The following PRKN variants were observed in gnomAD, a reference collection of about 807,000 sequenced individuals.
PRKN encodes parkin RBR E3 ubiquitin protein ligase.
Under a neutral mutation model 59.5 loss-of-function variants are expected in PRKN, and 56 were observed. The observed-to-expected ratio is 0.94, with a 90% CI of 0.76 to 1.18. The LOEUF (loss-of-function observed/expected upper bound fraction) is 1.18, where lower values mean the gene tolerates loss of function less well. Ranked by LOEUF, PRKN falls within the 50% of genes most tolerant of loss-of-function variation. PRKN has a pLI of 0.00. For missense variants in PRKN, 657 were observed against 596.4 expected (o/e 1.10, Z -1.06); for synonymous variants, 250 against 222.1 (o/e 1.13, Z -1.12).
Position 162,418,790 on chromosome 6 carries a change from TG to T in PRKN, c.171+24519del, listed in dbSNP as rs548371708. On this transcript the variant is annotated intron_variant, in intron 2 of 11. Coordinates refer to ENST00000366898, the MANE Select transcript of PRKN (RefSeq NM_004562.3). Reference sequence around the variant, plus strand: ...CAAGCACACCCAGGGCACTCCTGCCTGCACCAGGGGAGCTGCAGGGAGGGCT... The same window carrying T: ...CAAGCACACCCAGGGCACTCCTGCCTCACCAGGGGAGCTGCAGGGAGGGCT... Among the ~76,000 whole-genome samples, 329 of 151,958 alleles carry T rather than the reference TG, an allele frequency of 2.2e-3. 1 individual carries two copies. Among genetic ancestry groups the T allele is most frequent in the African/African-American group, 7.7e-3 (319 of 41,462 alleles).
In PRKN at chr6:161,566,626, C is replaced by T. The variant is rs1780652908; in HGVS notation, c.933+2729G>A. ...TTCGCCATGTTGGTCAGGCTGGTCT[C>T]AGACTCCTGACCTCAGGTGATCCAT... On this transcript the variant is annotated intron_variant, in intron 8 of 11. Coordinates refer to ENST00000366898, the MANE Select transcript of PRKN (RefSeq NM_004562.3). The surrounding 1 kb of genome is among the most constrained non-coding windows in gnomAD (Gnocchi z 4.1). 6.6e-6 allele frequency among the ~76,000 whole-genome samples: 1 copy of T among 152,204 alleles called. No individual in the cohort carries two copies.
At chr6:162,478,502 C>A (rs1376102264) in intron 1 of PRKN, among the ~76,000 whole-genome samples, 1 of 152,156 alleles carries the variant, frequency 6.6e-6, no homozygotes, top group African/African-American at 2.4e-5. Flanking sequence ...AGTGAACAAT[C>A]TAGGCTTGGA....
At chr6:162,343,836 T>C (rs1373287885) in intron 2 of PRKN, among the ~76,000 whole-genome samples, 1 of 152,158 alleles carries the variant, frequency 6.6e-6, no homozygotes, top group Non-Finnish European at 1.5e-5. Context: ...TGTTGCAAGA[T>C]AAGAAAGCTT....
intron 4 of PRKN, among the ~76,000 whole-genome samples, chr6:162,179,034 A>G (rs1436715728): frequency 6.6e-6 from 1 of 152,040 alleles, no homozygotes. Context: ...ACCACACCTG[A>G]TGCCTGGCTA....
At chr6:162,331,387 A>G (rs766579810) in intron 2 of PRKN, among the ~76,000 whole-genome samples, 1 of 152,196 alleles carries the variant, frequency 6.6e-6, no homozygotes, top group Non-Finnish European at 1.5e-5. Flanking sequence ...AGTACACAGG[A>G]CAATAAAATA....
chr6:162,116,714 G>C (rs1263289107), intron 4 of PRKN, among the ~76,000 whole-genome samples: 1 of 152,184 alleles, frequency 6.6e-6, no homozygotes, highest in Admixed American at 6.5e-5. Context: ...GCAGAGAATA[G>C]GAAATATAGA....
intron 2 of PRKN, among the ~76,000 whole-genome samples, chr6:162,337,280 A>G (rs1349675163): frequency 6.6e-6 from 1 of 152,190 alleles, no homozygotes; most frequent in African/African-American, 2.4e-5. Context: ...ACAGTTAAGA[A>G]AAGTTATCTC....
intron 10 of PRKN, among the ~76,000 whole-genome samples, chr6:161,384,518 G>A (rs1274472253): frequency 6.6e-6 from 1 of 152,184 alleles, no homozygotes; most frequent in East Asian, 1.9e-4. Context: ...ACCCCAGCCT[G>A]GGCAACACAG....
At chr6:161,415,753 T>C (rs928670982) in intron 9 of PRKN, among the ~76,000 whole-genome samples, 18 of 151,772 alleles carry the variant, frequency 1.2e-4, no homozygotes, top group African/African-American at 4.1e-4. Context: ...CTTCAGATGT[T>C]GTCAGTTCTG....
chr6:162,723,789 A>T (rs1298683697), intron 1 of PRKN, among the ~76,000 whole-genome samples: 2 of 152,222 alleles, frequency 1.3e-5, no homozygotes, highest in Non-Finnish European at 2.9e-5. Flanking sequence ...CTGTAAACCT[A>T]ATGAGTGCTT....
Position 162,249,437 on chromosome 6 carries a change from C to T in PRKN, c.412+13088G>A, listed in dbSNP as rs976122158. 6.4e-4 allele frequency among the ~76,000 whole-genome samples: 98 copies of T among 152,228 alleles called. 1 individual carries two copies. The highest frequency in any genetic ancestry group is 2.3e-3 in the African/African-American group (94 of 41,540). On this transcript the variant is annotated intron_variant, in intron 3 of 11. Transcript: ENST00000366898. ...GCGGCACGCTAGTCCGGAAAACTGA[C>T]GAGACACGTAGCTAGTGCCTACGAA...
At chr6:162,322,242 C>G (rs971318594) in intron 2 of PRKN, among the ~76,000 whole-genome samples, 1 of 151,880 alleles carries the variant, frequency 6.6e-6, no homozygotes, top group Non-Finnish European at 1.5e-5. Flanking sequence ...AATTTACAAA[C>G]AGTTTGTGTG....
intron 5 of PRKN, among the ~76,000 whole-genome samples, chr6:162,031,409 C>CT (rs72056604): frequency 3.3e-5 from 5 of 151,668 alleles, no homozygotes; most frequent in Admixed American, 1.3e-4. Context: ...ACATCTAATC[C>CT]TTTTTTTTAT....
rs966998800 is a variant in PRKN at position 161,548,774 on chromosome 6, A to T, written c.1083+80T>A. The T allele has an allele frequency of 1.2e-5, 15 of 1,288,444 alleles. No homozygotes were observed. Among genetic ancestry groups the T allele is most frequent in the Non-Finnish European group, 1.7e-5 (15 of 907,802 alleles). 79.8% of individuals were successfully genotyped at this position (1,288,444 alleles called of 1,614,324 possible). A position where few individuals can be genotyped will look rare whatever the true frequency, so the allele number is the denominator to read the frequency against. On this transcript the variant is annotated intron_variant, in intron 9 of 11. Transcript: ENST00000366898. The surrounding 1 kb of genome is among the most constrained non-coding windows in gnomAD (Gnocchi z 4.2). ...AGTCCAAAGGGAAAATGAAAATAAA[A>T]TAAAAATATAATCCCAGCCCATGTG...
intron 2 of PRKN, among the ~76,000 whole-genome samples, chr6:162,268,021 A>G (rs115494175): frequency 0.012 from 1,815 of 152,324 alleles, 38 homozygotes; most frequent in African/African-American, 0.04. Context: ...TGTTAACAAT[A>G]CCACATTATT....
At chr6:162,638,206 C>CACTGAACTG (rs1777812753) in intron 1 of PRKN, among the ~76,000 whole-genome samples, 3 of 91,280 alleles carry the variant, frequency 3.3e-5, no homozygotes, top group African/African-American at 1.8e-4. Context: ...AATATTATCC[C>CACTGAACTG]TATGTTTATT....
chr6:161,432,532 ATT>A (rs767620173), intron 9 of PRKN, among the ~76,000 whole-genome samples: 8 of 125,482 alleles, frequency 6.4e-5, no homozygotes, highest in Admixed American at 8.3e-5. Flanking sequence ...TGCCCAGCTA[ATT>A]TTTTTTTTTT....
rs1780670055 is a variant in PRKN, at chr6:161,968,443, CCA to C, written c.734+4857_734+4858del. Reference sequence around the variant, plus strand: ...GGACATGACAGGCCTGTCTGACCTCCCACCCCATCATGGCTGGAACTCAGCTT... The same window carrying C: ...GGACATGACAGGCCTGTCTGACCTCCCCCCATCATGGCTGGAACTCAGCTT... On this transcript the variant is annotated intron_variant, in intron 6 of 11. Transcript: ENST00000366898. 1.3e-5 allele frequency among the ~76,000 whole-genome samples: 2 copies of C among 152,068 alleles called. 1 individual carries two copies. The highest frequency in any genetic ancestry group is 4.1e-4 in the South Asian group (2 of 4,822).
intron 8 of PRKN, among the ~76,000 whole-genome samples, chr6:161,565,139 A>C (rs1241541173): frequency 6.6e-6 from 1 of 151,738 alleles, no homozygotes; most frequent in Admixed American, 6.6e-5. Flanking sequence ...CTCAGCTTAC[A>C]CTGTTGTTGT....
Sources: gnomAD v4.1 joint callset for allele counts (sites outside exome capture counted in the v4.1 genomes callset) on GRCh38, gnomAD v4.1.1 for gene constraint, Gnocchi (gnomAD v3.1) non-coding constraint, MANE v1.5 for transcripts, NCBI Gene and HGNC (gene_info 2026-07-23, HGNC 2026-07-21) for gene names.